The following COL4A4 variants were observed in gnomAD, a reference collection of about 807,000 sequenced individuals.
COL4A4 encodes collagen type IV alpha 4 chain.
A neutral mutation model predicts 192.9 loss-of-function variants in COL4A4; 105 were observed. The observed-to-expected ratio is 0.54, with a 90% CI of 0.46 to 0.64. The LOEUF (loss-of-function observed/expected upper bound fraction) is 0.64. Ranked by LOEUF, COL4A4 falls within the 30% of genes least tolerant of loss-of-function variation. The pLI is 0.00. For missense variants in COL4A4, 1,967 were observed against 2,169.3 expected, an observed-to-expected ratio of 0.91 and a Z score of 1.85; for synonymous variants, 762 against 769.9, an observed-to-expected ratio of 0.99 and a Z score of 0.17.
chr2:227,065,848 G>A (rs1042935902), intron 25 of COL4A4, among the ~76,000 whole-genome samples: 4 of 152,208 alleles, frequency 2.6e-5, no homozygotes, highest in East Asian at 3.9e-4. Flanking sequence ...GAAGTTCCTC[G>A]CCAGCAATGG....
In COL4A4 at chr2:227,003,957, T is replaced by C. The variant is rs1961534635; in HGVS notation, c.*3368A>G. The C allele has an allele frequency of 6.6e-6, 1 of 152,234 alleles. No individual in the cohort carries two copies. The highest frequency in any genetic ancestry group is 1.5e-5 in the Non-Finnish European group (1 of 68,036). The allele number at this position is 152,234 out of a possible 1,614,324, so 9.4% of individuals were successfully genotyped here. A position where few individuals can be genotyped will look rare whatever the true frequency, so the allele number is the denominator to read the frequency against. Reference sequence around the variant, plus strand: ...AAATATGTTGAATATTAAAATATTCTGAAATAGGAAATGGTTTATACTTGT... The same window carrying C: ...AAATATGTTGAATATTAAAATATTCCGAAATAGGAAATGGTTTATACTTGT... On this transcript the variant is annotated 3_prime_UTR_variant, in exon 48 of 48. Coordinates refer to ENST00000396625, the MANE Select transcript of COL4A4 (RefSeq NM_000092.5).
chr2:227,118,691 G>C lies in COL4A4; in HGVS notation c.443C>G (p.Pro148Arg), dbSNP rs1033767488. 20 of 1,614,060 alleles carry C rather than the reference G, an allele frequency of 1.2e-5. No homozygotes were observed. The highest frequency in any genetic ancestry group is 1.7e-5 in the Non-Finnish European group (20 of 1,180,014). The change falls in exon 7 of 48, where the codon CCA becomes CGA. Residue 148 changes from proline to arginine, a missense_variant. Transcript: ENST00000396625. ...MSGHNGSRGDPGFPGGRGALG... is the reference protein window; with the variant it reads ...MSGHNGSRGDRGFPGGRGALG... ...AGCTCCTCTTCCTCCTGGAAACCCT[G>C]GGTCACCTCTTGAGCCATTGTGGCC...
the COL4A4 span, among the ~76,000 whole-genome samples, chr2:226,990,516 T>C: frequency 6.6e-6 from 1 of 152,204 alleles, no homozygotes; most frequent in East Asian, 1.9e-4. Context: ...ATGGGCAGGA[T>C]CTATGAATAG....
intron 44 of COL4A4, among the ~76,000 whole-genome samples, chr2:227,017,495 A>G (rs552986036): frequency 6.6e-6 from 1 of 152,374 alleles, no homozygotes; most frequent in Admixed American, 6.5e-5. Flanking sequence ...CAACCCTAAC[A>G]GGGTGTGGGT....
At chr2:227,154,178 C>A (rs1001032587) in intron 1 of COL4A4, among the ~76,000 whole-genome samples, 6 of 152,206 alleles carry the variant, frequency 3.9e-5, no homozygotes, top group African/African-American at 1.4e-4. Flanking sequence ...CCTCTAATTC[C>A]GTGAGGCTTT....
At chr2:226,967,676 C>G in the COL4A4 span, among the ~76,000 whole-genome samples, 1 of 151,918 alleles carries the variant, frequency 6.6e-6, no homozygotes, top group South Asian at 2.1e-4. Flanking sequence ...CTGTCTGTAG[C>G]TTGATAAATT....
intron 1 of COL4A4, among the ~76,000 whole-genome samples, chr2:227,160,058 G>A (rs576649088): frequency 9.5e-4 from 145 of 152,332 alleles, no homozygotes; most frequent in African/African-American, 3.2e-3. Context: ...CCAAGAAGGA[G>A]GTCCCTGTGG....
At chr2:227,108,511 G>T in intron 12 of COL4A4, 70 bp downstream of exon 12, 1 of 1,461,934 alleles carries the variant, frequency 6.8e-7, no homozygotes, top group South Asian at 1.1e-5. Context: ...CAAATAATCA[G>T]AACAGCCTCC....
intron 44 of COL4A4, among the ~76,000 whole-genome samples, chr2:227,013,845 C>T (rs1248377624): frequency 6.6e-6 from 1 of 152,124 alleles, no homozygotes; most frequent in Admixed American, 6.5e-5. Context: ...GCCAGTCAAC[C>T]CAGGAATTCA....
At chr2:227,055,106 C>T (rs576960441) in intron 30 of COL4A4, among the ~76,000 whole-genome samples, 2 of 152,242 alleles carry the variant, frequency 1.3e-5, no homozygotes, top group South Asian at 4.1e-4. Flanking sequence ...AAACATTTTA[C>T]AGGCTAGTAT....
rs1314208165 is a variant in COL4A4 at position 227,098,756 on chromosome 2, G to A, written c.1142C>T (p.Thr381Ile). 4 of 1,614,078 alleles carry A rather than the reference G, an allele frequency of 2.5e-6. No homozygotes were observed. In the South Asian group the frequency reaches 3.3e-5, roughly 13 times the overall value. Residue 381 changes from threonine to isoleucine, a missense_variant, in exon 19 of 48, where the codon ACA becomes ATA. Thr to Ile is a moderately conservative substitution (Grantham distance 89). Coordinates refer to ENST00000396625, the MANE Select transcript of COL4A4 (RefSeq NM_000092.5). ...DPGFPGRYGE[T>I]GDVGPPGPPG... is the part of the protein sequence containing the mutation. Reference sequence around the variant, plus strand: ...GGGACCAGGTGGTCCAACATCCCCTGTTTCTCCATAGCGGCCAGGGAACCC... The same window carrying A: ...GGGACCAGGTGGTCCAACATCCCCTATTTCTCCATAGCGGCCAGGGAACCC...
intron 5 of COL4A4, 184 bp downstream of exon 5, chr2:227,120,830 T>A: frequency 1.5e-6 from 1 of 671,678 alleles, no homozygotes; most frequent in South Asian, 1.8e-5. Context: ...TCCCAGCTAC[T>A]TGGGAGGCTG....
At chr2:227,041,884 A>AAG (rs1245518074) in intron 37 of COL4A4, among the ~76,000 whole-genome samples, 1 of 146,694 alleles carries the variant, frequency 6.8e-6, no homozygotes, top group African/African-American at 2.6e-5. Flanking sequence ...GAAAGAAAGA[A>AAG]AGAAAGAAAG....
At chr2:227,021,011 G>A (rs1965912006) in intron 44 of COL4A4, among the ~76,000 whole-genome samples, 1 of 151,094 alleles carries the variant, frequency 6.6e-6, no homozygotes. Context: ...GATTACAGGT[G>A]CCCGCCACCA....
chr2:227,068,698 G>C (rs944534389), intron 25 of COL4A4, among the ~76,000 whole-genome samples: 1 of 151,454 alleles, frequency 6.6e-6, no homozygotes, highest in African/African-American at 2.4e-5. Flanking sequence ...AATAAATTAG[G>C]TATTGATGGG....
At chr2:227,057,031 G>A (rs929294959) in intron 29 of COL4A4, among the ~76,000 whole-genome samples, 3 of 152,188 alleles carry the variant, frequency 2.0e-5, no homozygotes, top group East Asian at 1.9e-4. Context: ...GTGTTCCTAC[G>A]TCTTCCTGGG....
intron 28 of COL4A4, 24 bp downstream of exon 28, chr2:227,059,381 A>T: frequency 6.2e-7 from 1 of 1,603,550 alleles, no homozygotes; most frequent in Non-Finnish European, 8.5e-7. Flanking sequence ...TCTATGCACC[A>T]AAAGGACAGC....
rs527690722 is a variant in COL4A4, at chr2:227,014,436, G to A, written c.4217-2139C>T. 2.6e-5 allele frequency among the ~76,000 whole-genome samples: 4 copies of A among 152,308 alleles called. No individual in the cohort carries two copies. In the South Asian group the frequency reaches 8.3e-4, roughly 32 times the overall value. On this transcript the variant is annotated intron_variant, in intron 44 of 47. Coordinates refer to ENST00000396625, the MANE Select transcript of COL4A4 (RefSeq NM_000092.5). ...ACTCTTTCCGGTGATGACCTTGGCG[G>A]CATATTTTGAAAATCCTATATTTCT... is the stretch of plus-strand genomic sequence containing the variant.
At chr2:227,090,897 T>G (rs1192356612) in intron 20 of COL4A4, among the ~76,000 whole-genome samples, 1 of 141,040 alleles carries the variant, frequency 7.1e-6, no homozygotes, top group Non-Finnish European at 1.5e-5. Context: ...AAAAGCTGAA[T>G]TTGAAACAGG....
Sources: allele counts gnomAD v4.1 joint callset (sites outside exome capture counted in the v4.1 genomes callset), GRCh38; gene constraint gnomAD v4.1.1; transcripts MANE v1.5; gene names NCBI Gene and HGNC (gene_info 2026-07-23, HGNC 2026-07-21).